SYNJ2: variants seen among roughly 807,000 people sequenced by gnomAD.
SYNJ2 encodes synaptojanin 2, also known as polyphosphatidylinositol phosphatase SYNJ2.
A neutral mutation model predicts 141.3 loss-of-function variants in SYNJ2; 116 were observed. That is an observed-to-expected ratio of 0.82 (90% confidence interval 0.71 to 0.96). The LOEUF (loss-of-function observed/expected upper bound fraction) is 0.96, where lower values mean the gene tolerates loss of function less well. Among genes scored for constraint, SYNJ2 ranks in the 40% least tolerant of loss-of-function variants. The pLI is 0.00. For missense variants in SYNJ2, 1,873 were observed against 1,934.8 expected, an observed-to-expected ratio of 0.97 and a Z score of 0.60; for synonymous variants, 745 against 777.7, an observed-to-expected ratio of 0.96 and a Z score of 0.70.
chr6:157,987,112 G>A (rs78429839), intron 1 of SYNJ2, among the ~76,000 whole-genome samples: 4 of 152,072 alleles, frequency 2.6e-5, no homozygotes, highest in Admixed American at 6.5e-5. Flanking sequence ...TTAGCCTTCC[G>A]AGTAGCTGGG....
intron 1 of SYNJ2, among the ~76,000 whole-genome samples, chr6:158,000,776 C>T (rs539435584): frequency 1.9e-4 from 29 of 152,252 alleles, no homozygotes; most frequent in African/African-American, 6.5e-4. Context: ...CACGCACTCC[C>T]CCCAAGCTGG....
Position 157,981,933 on chromosome 6 carries a change from G to A in SYNJ2, c.-29G>A. On this transcript the variant is annotated 5_prime_UTR_variant, in exon 1 of 27. Transcript: ENST00000355585. The surrounding 1 kb of genome is among the most constrained non-coding windows in gnomAD (Gnocchi z 6.4). Reference sequence around the variant, plus strand: ...CGCGCCCTCGGGAGGACGTGGCCCCGGCCCCCGCCCGCAGTGGGCCCGACC... The same window carrying A: ...CGCGCCCTCGGGAGGACGTGGCCCCAGCCCCCGCCCGCAGTGGGCCCGACC... 2 of 1,224,914 alleles carry A rather than the reference G, an allele frequency of 1.6e-6. No individual in the cohort carries two copies. The highest frequency in any genetic ancestry group is 2.0e-6 in the Non-Finnish European group (2 of 983,084). The allele number at this position is 1,224,914 out of a possible 1,614,324, so 75.9% of individuals were successfully genotyped here.
intron 23 of SYNJ2, 23 bp from the exon 24 acceptor site, chr6:158,088,635 ACT>A (rs1456082621): frequency 1.3e-6 from 2 of 1,581,028 alleles, no homozygotes; most frequent in South Asian, 1.1e-5. Context: ...TGAGATTGAG[ACT>A]CTGCCCTCGT....
chr6:158,002,469 G>C (rs936125033), intron 1 of SYNJ2: 4 of 152,296 alleles, frequency 2.6e-5, no homozygotes, highest in Non-Finnish European at 4.4e-5. Flanking sequence ...GGGAGGAACT[G>C]AGGAACTGGT....
At chr6:158,024,807 G>T (rs73015978) in intron 2 of SYNJ2, among the ~76,000 whole-genome samples, 11,779 of 152,228 alleles carry the variant, frequency 0.077, 549 homozygotes, top group South Asian at 0.19. Context: ...GTAAGAAAGA[G>T]CATGCTCCTG....
chr6:158,087,875 CTTT>C (rs749329722), intron 23 of SYNJ2, among the ~76,000 whole-genome samples: 1 of 94,498 alleles, frequency 1.1e-5, no homozygotes, highest in South Asian at 3.4e-4. Flanking sequence ...CAACATACTT[CTTT>C]TTTTTTTTTT....
At chr6:158,008,036 C>T (rs1778137197) in intron 1 of SYNJ2, among the ~76,000 whole-genome samples, 1 of 152,188 alleles carries the variant, frequency 6.6e-6, no homozygotes, top group Non-Finnish European at 1.5e-5. Context: ...AACCAGTCCT[C>T]CTGCCCTAGC....
At chr6:158,050,764 T>TC (rs1231062751) in intron 5 of SYNJ2, among the ~76,000 whole-genome samples, 1 of 152,188 alleles carries the variant, frequency 6.6e-6, no homozygotes, top group Non-Finnish European at 1.5e-5. Context: ...TGCTGCCTGT[T>TC]CCCTGGACTC....
intron 23 of SYNJ2, among the ~76,000 whole-genome samples, chr6:158,087,578 A>G (rs922688402): frequency 6.6e-6 from 1 of 152,152 alleles, no homozygotes; most frequent in African/African-American, 2.4e-5. Context: ...GCATTTTCCC[A>G]CCACTGTTTA....
At position 158,078,257 on chromosome 6, in the gene SYNJ2, C is replaced by T. The variant is rs749650634; in HGVS notation, c.2543C>T (p.Ala848Val). The change falls in exon 18 of 27, where the codon GCG (alanine) becomes GTG (valine). Residue 848 changes from alanine (A) to valine (V), a missense_variant. Physicochemically the swap from Ala to Val is moderately conservative, Grantham distance 64. Coordinates refer to ENST00000355585, the MANE Select transcript of SYNJ2 (RefSeq NM_003898.4). The part of the protein sequence containing the change: ...SPGALQYYGR[A>V]ELQASDHRPV... ...GGTGCCCTGCAGTATTATGGTCGTG[C>T]GGAGCTACAAGCGTCTGATCACAGG... 8.7e-6 allele frequency: 14 copies of T among 1,613,474 alleles called. No individual in the cohort carries two copies. The highest frequency in any genetic ancestry group is 1.1e-5 in the Non-Finnish European group (13 of 1,179,590).
Position 158,077,975 on chromosome 6 carries a change from C to T in SYNJ2, c.2450-189C>T, listed in dbSNP as rs112049958. On this transcript the variant is annotated intron_variant, in intron 17 of 26. Coordinates refer to ENST00000355585, the MANE Select transcript of SYNJ2 (RefSeq NM_003898.4). ...CATGACTGTTTTGAATAATTATATG[C>T]GAGGAATGTTTTTAACCAAAGGCCC... is the stretch of plus-strand genomic sequence containing the variant. The T allele has an allele frequency of 1.2e-3, 605 of 521,212 alleles. 4 individuals carry two copies. The highest frequency in any genetic ancestry group is 7.5e-3 in the African/African-American group (392 of 52,608). The allele number at this position is 521,212 out of a possible 1,614,324, so 32.3% of individuals were successfully genotyped here.
chr6:158,083,453 A>T lies in SYNJ2; in HGVS notation c.2890A>T (p.Arg964Ter). 1.2e-6 allele frequency: 2 copies of T among 1,614,186 alleles called. No individual in the cohort carries two copies. The highest frequency in any genetic ancestry group is 1.7e-6 in the Non-Finnish European group (2 of 1,180,040). Residue 964 changes from arginine to a stop codon, truncating the protein, a stop_gained, in exon 21 of 27, where the codon AGA (arginine) becomes TGA (stop). Coordinates refer to ENST00000355585, the MANE Select transcript of SYNJ2 (RefSeq NM_003898.4). LOFTEE classifies it high-confidence loss of function. ...GGTGAAAGGCAGAGCAGTGAAGATTAGACCGAAGACCAAGGACTGGCTGAA... is the reference window on the plus strand; with the variant it reads ...GGTGAAAGGCAGAGCAGTGAAGATTTGACCGAAGACCAAGGACTGGCTGAA... Reference protein sequence around the residue: ...MKVKGRAVKIRPKTKDWLKGL... With the variant: ...MKVKGRAVKI
intron 23 of SYNJ2, among the ~76,000 whole-genome samples, chr6:158,087,958 G>T (rs540188482): frequency 1.1e-5 from 1 of 93,398 alleles, no homozygotes; most frequent in East Asian, 3.1e-4. Context: ...TATATTTTCT[G>T]TGTCATTGAA....
At chr6:158,061,916 A>G (rs1781245137) in intron 7 of SYNJ2, 76 bp from the exon 8 acceptor site, 7 of 1,477,636 alleles carry the variant, frequency 4.7e-6, no homozygotes, top group Non-Finnish European at 6.5e-6. Flanking sequence ...CGCACGGGTC[A>G]AGCTCTGCAA....
intron 2 of SYNJ2, among the ~76,000 whole-genome samples, chr6:158,026,667 C>A (rs894158194): frequency 2.0e-5 from 3 of 152,204 alleles, no homozygotes; most frequent in Admixed American, 2.0e-4. Context: ...TCAGGCCCCC[C>A]ACACGGAGGC....
At position 158,086,968 on chromosome 6, in the gene SYNJ2, C is replaced by G; in HGVS notation, c.3322C>G (p.Pro1108Ala). The change falls in exon 23 of 27, where the codon CCG (proline) becomes GCG (alanine). Residue 1108 changes from proline (P) to alanine (A), a missense_variant. Pro to Ala is a conservative substitution (Grantham distance 27). Transcript: ENST00000355585. ...CAACCGGCCTCGGCCACCTCAACCC[C>G]CGCAGAGACCCCCCCCTCCAAGTAA... ...VPNRPRPPQPPQRPPPPTGLM... is the reference protein window; with the variant it reads ...VPNRPRPPQPAQRPPPPTGLM... 1 of 1,098,238 alleles carries G rather than the reference C, an allele frequency of 9.1e-7. No individual in the cohort carries two copies. The highest frequency in any genetic ancestry group is 1.2e-5 in the South Asian group (1 of 81,864). 68.0% of individuals were successfully genotyped at this position (1,098,238 alleles called of 1,614,324 possible). A position where few individuals can be genotyped will look rare whatever the true frequency, so the allele number is the denominator to read the frequency against.
At chr6:157,998,151 G>A (rs556478374) in intron 1 of SYNJ2, among the ~76,000 whole-genome samples, 2 of 152,214 alleles carry the variant, frequency 1.3e-5, no homozygotes, top group Non-Finnish European at 2.9e-5. Context: ...GGAGCGAGGG[G>A]TCTTCCTGGC....
At chr6:158,028,652 G>GCCTTC (rs1779188243) in intron 2 of SYNJ2, 104 bp from the exon 3 acceptor site, 3 of 1,478,920 alleles carry the variant, frequency 2.0e-6, no homozygotes, top group Non-Finnish European at 1.8e-6. Context: ...CACAGACGTT[G>GCCTTC]CCTTCCTGGC....
At position 158,062,016 on chromosome 6, in the gene SYNJ2, G is replaced by A. The variant is rs768034618; in HGVS notation, c.979G>A (p.Ala327Thr). 1.7e-5 allele frequency: 27 copies of A among 1,613,868 alleles called. No individual in the cohort carries two copies. Among genetic ancestry groups the A allele is most frequent in the Middle Eastern group, 1.6e-4 (1 of 6,064 alleles). Residue 327 changes from alanine (A) to threonine (T), a missense_variant, in exon 8 of 27, where the codon GCG (alanine) becomes ACG (threonine). By Grantham distance (58) the Ala-to-Thr change is moderately conservative. Coordinates refer to ENST00000355585, the MANE Select transcript of SYNJ2 (RefSeq NM_003898.4). The part of the protein sequence containing the change: ...FKKLLWASCH[A>T]GDTPMINFDF... ...GAAGCTGCTCTGGGCTTCTTGCCAC[G>A]CGGGCGACACGCCTATGATCAATTT...
Sources: gnomAD v4.1 joint callset for allele counts (sites outside exome capture counted in the v4.1 genomes callset) on GRCh38, gnomAD v4.1.1 for gene constraint, Gnocchi (gnomAD v3.1) non-coding constraint, MANE v1.5 for transcripts, NCBI Gene and HGNC (gene_info 2026-07-23, HGNC 2026-07-21) for gene names.